The following ARL2 variants were observed in gnomAD, a reference collection of about 807,000 sequenced individuals.
ARL2 encodes the protein ADP-ribosylation factor-like protein 2.
In ARL2, 11 loss-of-function variants were observed where a neutral mutation model predicts 22.0. The ratio of observed to expected loss-of-function variants is 0.50; its 90% CI spans 0.31 to 0.83. The LOEUF (loss-of-function observed/expected upper bound fraction) is 0.83, where lower values mean the gene tolerates loss of function less well. Among genes scored for constraint, ARL2 ranks in the 40% least tolerant of loss-of-function variants. The pLI is 0.04. For synonymous variants in ARL2, 111 were observed against 100.8 expected, an observed-to-expected ratio of 1.10 and a Z score of -0.61; for missense variants, 216 against 243.2, an observed-to-expected ratio of 0.89 and a Z score of 0.74.
intron 4 of ARL2, 105 bp downstream of exon 4, chr11:65,020,604 C>T: frequency 1.7e-6 from 2 of 1,194,538 alleles, no homozygotes; most frequent in Non-Finnish European, 2.3e-6. Context: ...TGCAGTGGCT[C>T]ACGCCTGTAA....
chr11:65,019,178 A>C (rs1249784391), intron 3 of ARL2: 2 of 330,906 alleles, frequency 6.0e-6, no homozygotes, highest in East Asian at 1.6e-4. Flanking sequence ...TTGAGGCTGC[A>C]GTGAGCTGTG....
At position 65,022,171 on chromosome 11, in the gene ARL2, G is replaced by A. The variant is rs373752961; in HGVS notation, c.*316G>A. On this transcript the variant is annotated 3_prime_UTR_variant, in exon 5 of 5. Transcript: ENST00000246747. ...CCTTCACTCAGTTGTGAAATAAACC[G>A]CTCCTTGCCCCGATTCCTGGCTGAG... 8.3e-5 allele frequency: 29 copies of A among 351,406 alleles called. No individual in the cohort carries two copies. Among genetic ancestry groups the A allele is most frequent in the African/African-American group, 4.5e-4 (22 of 49,042 alleles). 21.8% of individuals were successfully genotyped at this position (351,406 alleles called of 1,614,324 possible).
Position 65,018,986 on chromosome 11 carries a change from C to T in ARL2, c.339+253C>T. 7.0e-7 allele frequency: 1 copy of T among 1,432,528 alleles called. No individual in the cohort carries two copies. The highest frequency in any genetic ancestry group is 9.3e-7 in the Non-Finnish European group (1 of 1,073,670). 88.7% of individuals were successfully genotyped at this position (1,432,528 alleles called of 1,614,324 possible). ...CTATGCCTTGAAATGGTGATGATGA[C>T]ACCCACATCACTGGGCTTTAGGGAG... On this transcript the variant is annotated intron_variant, in intron 3 of 4. Transcript: ENST00000246747. This position sits in a 1 kb window ranked among gnomAD's most constrained non-coding sequence, Gnocchi z 4.2.
Position 65,018,735 on chromosome 11 carries a change from T to G in ARL2, c.339+2T>G, listed in dbSNP as rs1590730876. The G allele has an allele frequency of 1.2e-6, 2 of 1,613,814 alleles. No homozygotes were observed. Among genetic ancestry groups the G allele is most frequent in the Non-Finnish European group, 1.7e-6 (2 of 1,179,972 alleles). On this transcript the variant is annotated splice_donor_variant, in intron 3 of 4. Transcript: ENST00000246747. LOFTEE classifies it high-confidence loss of function. This position sits in a 1 kb window ranked among gnomAD's most constrained non-coding sequence, Gnocchi z 4.2. ...CTCCAGAGCCTGCTGGTGGAGGAGG[T>G]GGGCAGCTCCTACCCTTTGTGTACA...
chr11:65,021,688 T>C (rs753941540), intron 4 of ARL2, 33 bp from the exon 5 acceptor site: 2 of 1,573,898 alleles, frequency 1.3e-6, no homozygotes, highest in Admixed American at 3.4e-5. Flanking sequence ...CTGCAGTCAC[T>C]GGCCACCACC....
chr11:65,018,418 C>G lies in ARL2; in HGVS notation c.120C>G (p.Asp40Glu). Residue 40 changes from aspartate to glutamate, a missense_variant, in exon 2 of 5, where the codon GAC (aspartate) becomes GAG (glutamate). By Grantham distance (45) the Asp-to-Glu change is conservative. Coordinates refer to ENST00000246747, the MANE Select transcript of ARL2 (RefSeq NM_001667.4). This position sits in a 1 kb window ranked among gnomAD's most constrained non-coding sequence, Gnocchi z 4.2. ...TTILKKFNGE[D>E]IDTISPTLGF... ...TCCTGAAGAAGTTCAATGGGGAGGACATCGACACCATCTCCCCAACGCTGG... is the reference window on the plus strand; with the variant it reads ...TCCTGAAGAAGTTCAATGGGGAGGAGATCGACACCATCTCCCCAACGCTGG... 1 of 1,609,742 alleles carries G rather than the reference C, an allele frequency of 6.2e-7. No individual in the cohort carries two copies. Among genetic ancestry groups the G allele is most frequent in the South Asian group, 1.1e-5 (1 of 89,724 alleles).
intron 1 of ARL2, 85 bp downstream of exon 1, chr11:65,014,357 G>A: frequency 1.7e-6 from 2 of 1,179,658 alleles, no homozygotes; most frequent in African/African-American, 1.6e-5. Flanking sequence ...GGAGCGGAAC[G>A]CGGCGGCCGG....
chr11:65,021,458 C>G, intron 4 of ARL2: 1 of 417,720 alleles, frequency 2.4e-6, no homozygotes, highest in Admixed American at 3.7e-5. Flanking sequence ...TAGCACGATG[C>G]CCGGATCCTG....
Position 65,020,487 on chromosome 11 carries a change from C to T in ARL2, c.408C>T (p.Asn136=), listed in dbSNP as rs770754216. 8.7e-6 allele frequency: 14 copies of T among 1,610,456 alleles called. No individual in the cohort carries two copies. The highest frequency in any genetic ancestry group is 3.3e-5 in the Admixed American group (2 of 59,748). ...ACCTGCCTGGAGCACTGTCCTCTAACGCCATCCGCGAGGTGAGTCCAGGCC... is the reference window on the plus strand; with the variant it reads ...ACCTGCCTGGAGCACTGTCCTCTAATGCCATCCGCGAGGTGAGTCCAGGCC... ...KQDLPGALSS[N]AIREVLELDS... is the part of the protein sequence containing the mutation. The change falls in exon 4 of 5, where the codon AAC becomes AAT. Residue 136 remains asparagine, a synonymous_variant. Transcript: ENST00000246747.
intron 3 of ARL2, chr11:65,019,601 C>T (rs1010549811): frequency 6.6e-6 from 1 of 152,566 alleles, no homozygotes; most frequent in African/African-American, 2.4e-5. Flanking sequence ...CCCCCATATA[C>T]CCTTTACCTT....
chr11:65,019,102 T>C (rs1946296498), intron 3 of ARL2: 4 of 458,234 alleles, frequency 8.7e-6, no homozygotes, highest in Admixed American at 3.6e-5. Context: ...CTGGGGGTGG[T>C]GGCACGCACC....
Position 65,018,656 on chromosome 11 carries a change from A to G in ARL2, c.262A>G (p.Ile88Val). The G allele has an allele frequency of 6.2e-7, 1 of 1,614,218 alleles. No homozygotes were observed. The highest frequency in any genetic ancestry group is 1.7e-5 in the Admixed American group (1 of 60,014). ...CTACTTTGAGAGCACCGATGGCCTC[A>G]TCTGGGTAGTGGACAGCGCAGACCG... ...RNYFESTDGLIWVVDSADRQR... is the reference protein window; with the variant it reads ...RNYFESTDGLVWVVDSADRQR... Residue 88 changes from isoleucine (I) to valine (V), a missense_variant, in exon 3 of 5, where the codon ATC becomes GTC. Ile to Val is a conservative substitution (Grantham distance 29, BLOSUM62 3). Coordinates refer to ENST00000246747, the MANE Select transcript of ARL2 (RefSeq NM_001667.4). The surrounding 1 kb of genome is among the most constrained non-coding windows in gnomAD (Gnocchi z 4.2).
Position 65,020,640 on chromosome 11 carries a change from G to A in ARL2, c.420+141G>A, listed in dbSNP as rs563726423. 1.8e-5 allele frequency: 14 copies of A among 787,846 alleles called. No homozygotes were observed. The East Asian group carries it at 2.0e-4, about 11-fold the overall frequency. 48.8% of individuals were successfully genotyped at this position (787,846 alleles called of 1,614,324 possible). On this transcript the variant is annotated intron_variant, in intron 4 of 4. Coordinates refer to ENST00000246747, the MANE Select transcript of ARL2 (RefSeq NM_001667.4). ...TACCAGCACTTTGGGAGGCCAAGGCGAGTGGATCACCTGAGGTCAGGAGTT... is the reference window on the plus strand; with the variant it reads ...TACCAGCACTTTGGGAGGCCAAGGCAAGTGGATCACCTGAGGTCAGGAGTT...
chr11:65,014,354 A>G, intron 1 of ARL2, 82 bp downstream of exon 1: 1 of 1,240,274 alleles, frequency 8.1e-7, no homozygotes, highest in Non-Finnish European at 1.1e-6. Context: ...TCGGGAGCGG[A>G]ACGCGGCGGC....
Position 65,020,440 on chromosome 11 carries a change from C to T in ARL2, c.361C>T (p.Leu121Phe). ...VEERLAGATL[L>F]IFANKQDLPG... ...CCAGCGCCTGGCCGGAGCAACCCTC[C>T]TCATCTTTGCTAATAAGCAGGACCT... The change falls in exon 4 of 5, where the codon CTC (leucine) becomes TTC (phenylalanine). Residue 121 changes from leucine (L) to phenylalanine (F), a missense_variant. Coordinates refer to ENST00000246747, the MANE Select transcript of ARL2 (RefSeq NM_001667.4). 1.2e-6 allele frequency: 2 copies of T among 1,613,196 alleles called. No individual in the cohort carries two copies. The highest frequency in any genetic ancestry group is 2.2e-5 in the East Asian group (1 of 44,862).
At chr11:65,016,400 C>T (rs1224702987) in intron 1 of ARL2, among the ~76,000 whole-genome samples, 2 of 151,750 alleles carry the variant, frequency 1.3e-5, no homozygotes, top group East Asian at 3.9e-4. Flanking sequence ...GACTGGGAAC[C>T]CCCTCACCTA....
At position 65,018,810 on chromosome 11, in the gene ARL2, G is replaced by A. The variant is rs1946291472; in HGVS notation, c.339+77G>A. The A allele has an allele frequency of 1.9e-6, 3 of 1,583,806 alleles. No individual in the cohort carries two copies. The African/African-American group carries it at 4.0e-5, about 21-fold the overall frequency. ...CAGCAGATGCCCAGAGGGGCCCGTG[G>A]CCCCAGAGGGAAACCAGAGGCAGGA... is the stretch of plus-strand genomic sequence containing the variant. On this transcript the variant is annotated intron_variant, in intron 3 of 4. Coordinates refer to ENST00000246747, the MANE Select transcript of ARL2 (RefSeq NM_001667.4). This position sits in a 1 kb window ranked among gnomAD's most constrained non-coding sequence, Gnocchi z 4.2.
At chr11:65,021,342 G>A (rs908957831) in intron 4 of ARL2, among the ~76,000 whole-genome samples, 6 of 152,196 alleles carry the variant, frequency 3.9e-5, no homozygotes, top group Non-Finnish European at 8.8e-5. Context: ...TAGGCAGGTT[G>A]CTTAACCTCT....
intron 3 of ARL2, chr11:65,019,404 T>C (rs1946300775): frequency 6.5e-6 from 1 of 154,428 alleles, no homozygotes; most frequent in Admixed American, 6.4e-5. Flanking sequence ...TAGCCAGGCA[T>C]GGTGGCGGGC....
Sources: allele counts gnomAD v4.1 joint callset (sites outside exome capture counted in the v4.1 genomes callset), GRCh38; gene constraint gnomAD v4.1.1; non-coding constraint Gnocchi (gnomAD v3.1); transcripts MANE v1.5; gene names NCBI Gene and HGNC (gene_info 2026-07-23, HGNC 2026-07-21).